Variants in EIF3A observed in about 807,000 individuals in gnomAD.
EIF3A encodes EIF3, p180 subunit.
Under a neutral mutation model 186.6 loss-of-function variants are expected in EIF3A, and 21 were observed. The observed-to-expected ratio is 0.11, with a 90% CI of 0.08 to 0.16. The LOEUF is 0.16. EIF3A is among the 10% of genes least tolerant of loss of function. The pLI is 1.00. For synonymous variants in EIF3A, 563 were observed against 584.3 expected (o/e 0.96, Z 0.52); for missense variants, 1,306 against 1,796.3 (o/e 0.73, Z 4.93).
At position 119,049,919 on chromosome 10, in the gene EIF3A, C is replaced by T. The variant is rs897165912; in HGVS notation, c.2540G>A (p.Arg847Gln). The T allele has an allele frequency of 2.5e-6, 4 of 1,613,984 alleles. No individual in the cohort carries two copies. The highest frequency in any genetic ancestry group is 2.5e-6 in the Non-Finnish European group (3 of 1,180,028). Residue 847 changes from arginine (R) to glutamine (Q), a missense_variant, in exon 17 of 22, where the codon CGG becomes CAG. By Grantham distance (43) the Arg-to-Gln change is conservative. Coordinates refer to ENST00000369144, the MANE Select transcript of EIF3A (RefSeq NM_003750.4). Reference sequence around the variant, plus strand: ...TTCCACTTCTTCTAATTTCTTCACCCGCTCCTGATACTCTCGTAGCTCTTC... The same window carrying T: ...TTCCACTTCTTCTAATTTCTTCACCTGCTCCTGATACTCTCGTAGCTCTTC... ...REEELREYQE[R>Q]VKKLEEVERK...
chr10:119,080,175 A>AGGT (rs1272613757), intron 1 of EIF3A, among the ~76,000 whole-genome samples: 1 of 152,064 alleles, frequency 6.6e-6, no homozygotes, highest in Non-Finnish European at 1.5e-5. Context: ...CCCGGGCAGG[A>AGGT]GGTGGAGCCG....
chr10:119,074,413 C>G (rs985212467), intron 1 of EIF3A, among the ~76,000 whole-genome samples: 1 of 151,592 alleles, frequency 6.6e-6, no homozygotes, highest in Non-Finnish European at 1.5e-5. Flanking sequence ...TGCAGTGAGC[C>G]GAGATCGCAC....
intron 1 of EIF3A, among the ~76,000 whole-genome samples, chr10:119,079,382 TTA>T (rs1844226605): frequency 6.6e-6 from 1 of 152,212 alleles, no homozygotes; most frequent in Non-Finnish European, 1.5e-5. Flanking sequence ...AATTATCAGT[TTA>T]TGTGCTGACT....
rs1444040030 is a variant in EIF3A, at chr10:119,066,448, G to A, written c.951-878C>T. On this transcript the variant is annotated intron_variant, in intron 6 of 21. Coordinates refer to ENST00000369144, the MANE Select transcript of EIF3A (RefSeq NM_003750.4). The stretch of plus-strand genomic sequence containing the variant: ...CAGTTGAACCCAGGAGGCGGAGGGT[G>A]CAGTGAGCCAAGATTATGCCACTGG... Among the ~76,000 whole-genome samples the A allele has an allele frequency of 3.4e-5, 5 of 147,916 alleles. No individual in the cohort carries two copies. In the South Asian group the frequency reaches 6.5e-4, roughly 19 times the overall value.
Position 119,050,564 on chromosome 10 carries a change from T to A in EIF3A, c.2430A>T (p.Lys810Asn). ...CTGCCCTTCTCTGCTCCTCCTCTTCTTTTTCTCTATAGTATGTTATCCTGC... is the reference window on the plus strand; with the variant it reads ...CTGCCCTTCTCTGCTCCTCCTCTTCATTTTCTCTATAGTATGTTATCCTGC... ...EERRITYYRE[K>N]EEEEQRRAEE... The change falls in exon 16 of 22, where the codon AAA becomes AAT. Residue 810 changes from lysine (K) to asparagine (N), a missense_variant. Physicochemically the swap from Lys to Asn is moderately conservative, Grantham distance 94. Around this residue, in one of 8 missense-constraint regions of EIF3A, gnomAD observed 410 missense variants for 473.5 expected, o/e 0.87. Coordinates refer to ENST00000369144, the MANE Select transcript of EIF3A (RefSeq NM_003750.4). 2 of 1,614,014 alleles carry A rather than the reference T, an allele frequency of 1.2e-6. No individual in the cohort carries two copies. The highest frequency in any genetic ancestry group is 1.7e-6 in the Non-Finnish European group (2 of 1,179,888).
rs746816340 is a variant in EIF3A, at chr10:119,061,292, C to G, written c.1159G>C (p.Val387Leu). 3.1e-6 allele frequency: 5 copies of G among 1,591,844 alleles called. No homozygotes were observed. The Admixed American group carries it at 8.6e-5, about 27-fold the overall frequency. ...FNVLQYVVPE[V>L]KDLYNWLEVE... ...TCAAGCCAATTGTAAAGGTCTTTCA[C>G]TTCTGGGACAACATATTGTAGTACA... The change falls in exon 8 of 22, where the codon GTG (valine) becomes CTG (leucine). Residue 387 changes from valine (V) to leucine (L), a missense_variant. Transcript: ENST00000369144.
At chr10:119,063,554 T>C (rs1843923632) in intron 7 of EIF3A, among the ~76,000 whole-genome samples, 2 of 152,204 alleles carry the variant, frequency 1.3e-5, no homozygotes, top group Admixed American at 6.5e-5. Context: ...CTGTTAATGA[T>C]TTAAATTCCG....
Position 119,049,814 on chromosome 10 carries a change from G to C in EIF3A, c.2645C>G (p.Ser882Cys), listed in dbSNP as rs778357598. The C allele has an allele frequency of 6.2e-7, 1 of 1,613,436 alleles. No homozygotes were observed. The highest frequency in any genetic ancestry group is 1.7e-5 in the Admixed American group (1 of 59,970). ...CCCTATACTCACCTTTCTAGAAAGG[G>C]AACTATCGCCAAGTCTTCTCTCTTC... ...REEERRLGDS[S>C]LSRKDSRWGD... The change falls in exon 17 of 22, where the codon TCC becomes TGC. Residue 882 changes from serine (S) to cysteine (C), a missense_variant. Around this residue, in one of 8 missense-constraint regions of EIF3A, gnomAD observed 410 missense variants for 473.5 expected, o/e 0.87. Coordinates refer to ENST00000369144, the MANE Select transcript of EIF3A (RefSeq NM_003750.4).
At chr10:119,057,907 C>T (rs746155247) in intron 12 of EIF3A, 49 bp downstream of exon 12, 7 of 1,471,552 alleles carry the variant, frequency 4.8e-6, no homozygotes, top group Non-Finnish European at 6.5e-6. Context: ...TCTAAGAGTA[C>T]AAAATACCTG....
rs771764319 is a variant in EIF3A, at chr10:119,042,551, C to T, written c.2969G>A (p.Arg990His). The change falls in exon 19 of 22, where the codon CGT becomes CAT. Residue 990 changes from arginine to histidine, a missense_variant. By Grantham distance (29) the Arg-to-His change is conservative. Coordinates refer to ENST00000369144, the MANE Select transcript of EIF3A (RefSeq NM_003750.4). This position sits in a 1 kb window ranked among gnomAD's most constrained non-coding sequence, Gnocchi z 7.8. Reference protein sequence around the residue: ...RGADDDRPSWRNTDDDRPPRR... With the variant: ...RGADDDRPSWHNTDDDRPPRR... ...GGGAGGCCTGTCATCATCTGTGTTACGCCAGGAAGGCCGGTCATCGTCTGC... is the reference window on the plus strand; with the variant it reads ...GGGAGGCCTGTCATCATCTGTGTTATGCCAGGAAGGCCGGTCATCGTCTGC... 2.2e-5 allele frequency: 36 copies of T among 1,614,016 alleles called. No homozygotes were observed. The highest frequency in any genetic ancestry group is 6.6e-5 in the South Asian group (6 of 91,084).
chr10:119,034,744 C>T lies in EIF3A; in HGVS notation c.*1295G>A, dbSNP rs1239993362. 6.6e-6 allele frequency: 1 copy of T among 152,262 alleles called. No homozygotes were observed. The highest frequency in any genetic ancestry group is 1.9e-4 in the East Asian group (1 of 5,186). 9.4% of individuals were successfully genotyped at this position (152,262 alleles called of 1,614,324 possible). A position where few individuals can be genotyped will look rare whatever the true frequency, so the allele number is the denominator to read the frequency against. On this transcript the variant is annotated 3_prime_UTR_variant, in exon 22 of 22. Coordinates refer to ENST00000369144, the MANE Select transcript of EIF3A (RefSeq NM_003750.4). ...TTGTAACATTTTCTCAAATTAACTACGATTTTTCTAATTTCAGGTGAAAAC... is the reference window on the plus strand; with the variant it reads ...TTGTAACATTTTCTCAAATTAACTATGATTTTTCTAATTTCAGGTGAAAAC...
At chr10:119,079,492 A>G (rs1365017433) in intron 1 of EIF3A, among the ~76,000 whole-genome samples, 1 of 152,174 alleles carries the variant, frequency 6.6e-6, no homozygotes, top group Non-Finnish European at 1.5e-5. Context: ...CATCTACAAC[A>G]TGGGTAAAAC....
chr10:119,048,736 A>C (rs1165497891), intron 17 of EIF3A, among the ~76,000 whole-genome samples: 2 of 150,950 alleles, frequency 1.3e-5, no homozygotes, highest in Non-Finnish European at 2.9e-5. Context: ...CAGTGGCGCG[A>C]TCTCAGCTCA....
At position 119,044,124 on chromosome 10, in the gene EIF3A, T is replaced by C. The variant is rs1418987397; in HGVS notation, c.2677A>G (p.Arg893Gly). 1 of 1,613,338 alleles carries C rather than the reference T, an allele frequency of 6.2e-7. No individual in the cohort carries two copies. Among genetic ancestry groups the C allele is most frequent in the Non-Finnish European group, 8.5e-7 (1 of 1,179,208 alleles). ...TTTCTCCAGGTGCCTTCTGAATCTC[T>C]ATCTCCCCAACGAGAGTCCTCCATT... ...LSRKDSRWGDRDSEGTWRKGP... is the reference protein window; with the variant it reads ...LSRKDSRWGDGDSEGTWRKGP... Residue 893 changes from arginine (R) to glycine (G), a missense_variant, in exon 18 of 22, where the codon AGA (arginine) becomes GGA (glycine). This residue lies in a region of EIF3A where 410 missense variants were observed against 473.5 expected (regional missense o/e 0.87). Coordinates refer to ENST00000369144, the MANE Select transcript of EIF3A (RefSeq NM_003750.4).
chr10:119,055,287 T>C (rs1203752235), intron 14 of EIF3A, among the ~76,000 whole-genome samples: 1 of 152,144 alleles, frequency 6.6e-6, no homozygotes, highest in Admixed American at 6.6e-5. Context: ...AGTAAGGGAA[T>C]GGCCAGTCGG....
intron 7 of EIF3A, among the ~76,000 whole-genome samples, chr10:119,063,378 GA>G (rs1248541026): frequency 1.3e-5 from 2 of 152,174 alleles, no homozygotes; most frequent in African/African-American, 2.4e-5. Flanking sequence ...CCACTATCTA[GA>G]AAAGTTATTT....
Position 119,042,141 on chromosome 10 carries a change from T to C in EIF3A, c.3379A>G (p.Arg1127Gly), listed in dbSNP as rs758045564. 7 of 1,614,038 alleles carry C rather than the reference T, an allele frequency of 4.3e-6. No individual in the cohort carries two copies. The highest frequency in any genetic ancestry group is 5.9e-6 in the Non-Finnish European group (7 of 1,180,048). The change falls in exon 19 of 22, where the codon AGA becomes GGA. Residue 1127 changes from arginine to glycine, a missense_variant. Around this residue, in one of 8 missense-constraint regions of EIF3A, gnomAD observed 331 missense variants for 365.8 expected, o/e 0.90. Transcript: ENST00000369144. This position sits in a 1 kb window ranked among gnomAD's most constrained non-coding sequence, Gnocchi z 7.8. ...TCCTCTGCACCACGCCTGGGAATTC[T>C]GTCATCATCGGCGTTCCTCCAAGGT... is the stretch of plus-strand genomic sequence containing the variant. ...RGPWRNADDD[R>G]IPRRGAEDDR...
At chr10:119,039,161 T>C (rs1848175293) in intron 19 of EIF3A, among the ~76,000 whole-genome samples, 1 of 152,112 alleles carries the variant, frequency 6.6e-6, no homozygotes, top group East Asian at 1.9e-4. Flanking sequence ...GCCCTTCATA[T>C]CCAAAAAACA....
At chr10:119,070,579 A>C (rs1844055846) in intron 5 of EIF3A, among the ~76,000 whole-genome samples, 1 of 152,194 alleles carries the variant, frequency 6.6e-6, no homozygotes, top group Non-Finnish European at 1.5e-5. Flanking sequence ...CACAGACCAG[A>C]TAGTTTACAG....
Sources: gnomAD v4.1 joint callset for allele counts (sites outside exome capture counted in the v4.1 genomes callset) on GRCh38, gnomAD v4.1.1 for gene constraint, gnomAD v4.1.1 regional missense constraint, Gnocchi (gnomAD v3.1) non-coding constraint, MANE v1.5 for transcripts, NCBI Gene and HGNC (gene_info 2026-07-23, HGNC 2026-07-21) for gene names.